Variants in HRAS observed in about 807,000 individuals in gnomAD.
HRAS encodes the protein GTPase HRas.
HRAS carries 11 observed loss-of-function variants against 19.8 expected under a neutral mutation model. That is an observed-to-expected ratio of 0.55 (90% CI 0.35 to 0.92). The LOEUF (loss-of-function observed/expected upper bound fraction) is 0.92. Ranked by LOEUF, HRAS falls within the 40% of genes least tolerant of loss-of-function variation. The probability of loss-of-function intolerance (pLI) is 0.01; values close to 1 mark genes in which losing one functional copy is unlikely to be tolerated. For synonymous variants in HRAS, 149 were observed against 105.5 expected (o/e 1.41, Z -2.52); for missense variants, 204 against 255.9 (o/e 0.80, Z 1.38).
Position 533,707 on chromosome 11 carries a change from C to T in HRAS, c.290+59G>A, listed in dbSNP as rs2133989069. ...AGGACAGGAGGCCCCTGCCTGGACG[C>T]AGCCGGCCTGGCCCCACCTGTGCGG... On this transcript the variant is annotated intron_variant, in intron 3 of 5. Coordinates refer to ENST00000311189, the MANE Select transcript of HRAS (RefSeq NM_005343.4). 2.5e-6 allele frequency: 4 copies of T among 1,610,748 alleles called. No homozygotes were observed. The Admixed American group carries it at 5.0e-5, about 20-fold the overall frequency.
intron 2 of HRAS, 31 bp downstream of exon 2, chr11:534,181 G>T: frequency 6.5e-7 from 1 of 1,545,804 alleles, no homozygotes; most frequent in Non-Finnish European, 8.9e-7. Context: ...CGCAGCAGCT[G>T]CTGGCACCTG....
intron 4 of HRAS, 149 bp from the exon 5 acceptor site, chr11:532,904 T>C: frequency 1.2e-6 from 1 of 820,228 alleles, no homozygotes; most frequent in South Asian, 1.4e-5. Context: ...CACGGGAAGC[T>C]GGACTCTGGC....
chr11:532,480 C>T lies in HRAS; in HGVS notation c.*48G>A. 5.0e-6 allele frequency: 5 copies of T among 1,005,912 alleles called. No homozygotes were observed. Among genetic ancestry groups the T allele is most frequent in the South Asian group, 1.5e-5 (1 of 65,044 alleles). 62.3% of individuals were successfully genotyped at this position (1,005,912 alleles called of 1,614,324 possible). A position where few individuals can be genotyped will look rare whatever the true frequency, so the allele number is the denominator to read the frequency against. ...CCTTCCTTCCTCCTCCTTCCGTCTG[C>T]ACCTCCTTCCTGCATCCGGCACCTC... On this transcript the variant is annotated 3_prime_UTR_variant, in exon 6 of 6. Transcript: ENST00000311189.
At chr11:533,988 G>T (rs548634688) in intron 2 of HRAS, 44 bp from the exon 3 acceptor site, 6 of 1,587,546 alleles carry the variant, frequency 3.8e-6, no homozygotes, top group Non-Finnish European at 5.1e-6. Context: ...GACCTTCCGT[G>T]GGGGGAGTTC....
In HRAS at chr11:532,431, C is replaced by A; in HGVS notation, c.*97G>T. On this transcript the variant is annotated 3_prime_UTR_variant, in exon 6 of 6. Transcript: ENST00000311189. ...CCCGGGGTGACTGGGCTCCAGCAGC[C>A]CTTCCTTCCTTCCTTGCTTCCGTCC... The A allele has an allele frequency of 1.5e-6, 1 of 684,970 alleles. No homozygotes were observed. The highest frequency in any genetic ancestry group is 1.9e-5 in the South Asian group (1 of 53,866). The allele number at this position is 684,970 out of a possible 1,614,324, so 42.4% of individuals were successfully genotyped here.
Position 532,514 on chromosome 11 carries a change from G to C in HRAS, c.*14C>G, listed in dbSNP as rs567573756. ...CCTGCATCCGGCACCTCCATGTCCT[G>C]AGCTTGTGCTGGGCGGGGCACAAGG... is the stretch of plus-strand genomic sequence containing the variant. On this transcript the variant is annotated 3_prime_UTR_variant, in exon 6 of 6. Coordinates refer to ENST00000311189, the MANE Select transcript of HRAS (RefSeq NM_005343.4). 4.3e-5 allele frequency: 58 copies of C among 1,359,610 alleles called. No homozygotes were observed. In the East Asian group the frequency reaches 1.1e-3, roughly 26 times the overall value. 84.2% of individuals were successfully genotyped at this position (1,359,610 alleles called of 1,614,324 possible).
chr11:534,957 C>T (rs913965389), intron 1 of HRAS, among the ~76,000 whole-genome samples: 2 of 152,250 alleles, frequency 1.3e-5, no homozygotes, highest in Non-Finnish European at 2.9e-5. Flanking sequence ...GAAGCAGGGA[C>T]TGAGCGACAG....
At position 535,536 on chromosome 11, in the gene HRAS, T is replaced by C. The variant is rs911094405; in HGVS notation, c.-174A>G. The C allele has an allele frequency of 3.7e-4, 54 of 147,652 alleles. No homozygotes were observed. The highest frequency in any genetic ancestry group is 1.1e-3 in the African/African-American group (46 of 40,696). The allele number at this position is 147,652 out of a possible 1,614,324, so 9.1% of individuals were successfully genotyped here. A position where few individuals can be genotyped will look rare whatever the true frequency, so the allele number is the denominator to read the frequency against. On this transcript the variant is annotated 5_prime_UTR_variant, in exon 1 of 6. Coordinates refer to ENST00000311189, the MANE Select transcript of HRAS (RefSeq NM_005343.4). ...CGTCCGCGGCGGGTGCGGCTCGGGT[T>C]GCGGGCGCAGGGCACGGGCGGCGGA...
intron 4 of HRAS, 85 bp downstream of exon 4, chr11:533,368 G>A (rs1366671798): frequency 6.2e-6 from 10 of 1,607,722 alleles, no homozygotes; most frequent in Non-Finnish European, 8.5e-6. Context: ...CCTGTGTCAA[G>A]GGAGAGGGTC....
intron 2 of HRAS, 73 bp from the exon 3 acceptor site, chr11:534,017 T>C: frequency 2.6e-6 from 4 of 1,511,868 alleles, no homozygotes; most frequent in Non-Finnish European, 3.6e-6. Flanking sequence ...AGCCTCTCCC[T>C]GGTACCTCTC....
At chr11:532,880 A>G (rs1354027513) in intron 4 of HRAS, 125 bp from the exon 5 acceptor site, 2 of 932,132 alleles carry the variant, frequency 2.1e-6, no homozygotes, top group Non-Finnish European at 3.4e-6. Context: ...CCACTTCCCC[A>G]GGCCCACCAC....
intron 4 of HRAS, chr11:533,206 AGGACT>A: frequency 7.5e-7 from 1 of 1,338,378 alleles, no homozygotes. Flanking sequence ...GTGTCGGCCC[AGGACT>A]GCAGGGCGTG....
chr11:534,185 G>A (rs2133993800), intron 2 of HRAS, 27 bp downstream of exon 2: 1 of 1,556,688 alleles, frequency 6.4e-7, no homozygotes, highest in Non-Finnish European at 8.9e-7. Flanking sequence ...GCAGCTGCTG[G>A]CACCTGGACG....
rs2133991188 is a variant in HRAS at position 533,887 on chromosome 11, C to T, written c.169G>A (p.Asp57Asn). 1 of 1,613,330 alleles carries T rather than the reference C, an allele frequency of 6.2e-7. No homozygotes were observed. Among genetic ancestry groups the T allele is most frequent in the Non-Finnish European group, 8.5e-7 (1 of 1,179,998 alleles). The change falls in exon 3 of 6, where the codon GAT becomes AAT. Residue 57 changes from aspartate to asparagine, a missense_variant. Physicochemically the swap from Asp to Asn is conservative, Grantham distance 23. Around this residue, in one of 4 missense-constraint regions of HRAS, gnomAD observed 51 missense variants for 79.0 expected, o/e 0.65. Transcript: ENST00000311189. ...DGETCLLDIL[D>N]TAGQEEYSAM... ...CTGTACTCCTCCTGGCCGGCGGTATCCAGGATGTCCAACAGGCACGTCTCC... is the reference window on the plus strand; with the variant it reads ...CTGTACTCCTCCTGGCCGGCGGTATTCAGGATGTCCAACAGGCACGTCTCC...
Position 534,334 on chromosome 11 carries a change from G to T in HRAS, c.-12C>A. ...TTATATTCCGTCATCGCTCCTCAGG[G>T]GCCTGCGGCCCGGGGTCCTCCTACA... On this transcript the variant is annotated 5_prime_UTR_variant, in exon 2 of 6. Coordinates refer to ENST00000311189, the MANE Select transcript of HRAS (RefSeq NM_005343.4). 2 of 1,606,398 alleles carry T rather than the reference G, an allele frequency of 1.2e-6. No homozygotes were observed. The highest frequency in any genetic ancestry group is 1.1e-5 in the South Asian group (1 of 90,964).
chr11:532,433 T>TTCCTTCCTTCCTTGCTTCCG lies in HRAS; in HGVS notation c.*75_*94dup, dbSNP rs1456613136. The TTCCTTCCTTCCTTGCTTCCG allele has an allele frequency of 3.0e-5, 21 of 698,248 alleles. No individual in the cohort carries two copies. Among genetic ancestry groups the TTCCTTCCTTCCTTGCTTCCG allele is most frequent in the Non-Finnish European group, 4.5e-5 (19 of 424,016 alleles). 43.3% of individuals were successfully genotyped at this position (698,248 alleles called of 1,614,324 possible). ...CGGGGTGACTGGGCTCCAGCAGCCCTTCCTTCCTTCCTTGCTTCCGTCCTT... is the reference window on the plus strand; with the variant it reads ...CGGGGTGACTGGGCTCCAGCAGCCCTTCCTTCCTTCCTTGCTTCCGTCCTTCCTTCCTTGCTTCCGTCCTT... On this transcript the variant is annotated 3_prime_UTR_variant, in exon 6 of 6. Coordinates refer to ENST00000311189, the MANE Select transcript of HRAS (RefSeq NM_005343.4).
rs542880227 is a variant in HRAS at position 532,246 on chromosome 11, G to A, written c.*282C>T. The A allele has an allele frequency of 1.2e-5, 5 of 407,800 alleles. No homozygotes were observed. Among genetic ancestry groups the A allele is most frequent in the African/African-American group, 7.9e-5 (4 of 50,826 alleles). The allele number at this position is 407,800 out of a possible 1,614,324, so 25.3% of individuals were successfully genotyped here. A position where few individuals can be genotyped will look rare whatever the true frequency, so the allele number is the denominator to read the frequency against. ...ACCCTCAGCCGAAAACCAAGATCAA[G>A]ACCATCCAATAATTTACTGTGATCC... is the stretch of plus-strand genomic sequence containing the variant. On this transcript the variant is annotated 3_prime_UTR_variant, in exon 6 of 6. Transcript: ENST00000311189.
intron 2 of HRAS, 99 bp from the exon 3 acceptor site, chr11:534,043 C>T: frequency 1.5e-6 from 2 of 1,367,030 alleles, no homozygotes; most frequent in South Asian, 1.2e-5. Context: ...CCTCATGCCC[C>T]CTCCTCTCCT....
In HRAS at chr11:535,461, C is replaced by G. The variant is rs889495169; in HGVS notation, c.-99G>C. 1 of 147,204 alleles carries G rather than the reference C, an allele frequency of 6.8e-6. No individual in the cohort carries two copies. The highest frequency in any genetic ancestry group is 1.5e-5 in the Non-Finnish European group (1 of 65,880). The allele number at this position is 147,204 out of a possible 1,614,324, so 9.1% of individuals were successfully genotyped here. ...CCCGGGGCCAGGGCCGGGGCCGAGG[C>G]CGGGGCGGGGCGGGGGCGGGGGCGC... On this transcript the variant is annotated 5_prime_UTR_variant, in exon 1 of 6. Coordinates refer to ENST00000311189, the MANE Select transcript of HRAS (RefSeq NM_005343.4).
Sources: gnomAD v4.1 joint callset for allele counts (sites outside exome capture counted in the v4.1 genomes callset) on GRCh38, gnomAD v4.1.1 for gene constraint, gnomAD v4.1.1 regional missense constraint, MANE v1.5 for transcripts, NCBI Gene and HGNC (gene_info 2026-07-23, HGNC 2026-07-21) for gene names.